The following PPA2 variants were observed in gnomAD, a reference collection of about 807,000 sequenced individuals.
The protein encoded by PPA2 is inorganic pyrophosphatase 2.
Under a neutral mutation model 49.5 loss-of-function variants are expected in PPA2, and 48 were observed. The observed-to-expected ratio is 0.97, with a 90% confidence interval of 0.77 to 1.23. The LOEUF (loss-of-function observed/expected upper bound fraction) is 1.23. PPA2 is among the 50% of genes most tolerant of loss of function. PPA2 has a pLI of 0.00. For synonymous variants in PPA2, 131 were observed against 139.9 expected (o/e 0.94, Z 0.45); for missense variants, 429 against 410.1 (o/e 1.05, Z -0.40).
In PPA2 at chr4:105,473,947, T is replaced by G; in HGVS notation, c.104A>C (p.Tyr35Ser). Reference protein sequence around the residue: ...GTGSRRAMALYHTEERGQPCS... With the variant: ...GTGSRRAMALSHTEERGQPCS... Reference sequence around the variant, plus strand: ...GGGCTGGCCGCGCTCCTCAGTGTGGTACAGGGCCATAGCACGGCGCGACCC... The same window carrying G: ...GGGCTGGCCGCGCTCCTCAGTGTGGGACAGGGCCATAGCACGGCGCGACCC... Residue 35 changes from tyrosine to serine, a missense_variant, in exon 1 of 12, where the codon TAC becomes TCC. Coordinates refer to ENST00000341695, the MANE Select transcript of PPA2 (RefSeq NM_176869.3). The G allele has an allele frequency of 1.2e-6, 2 of 1,612,480 alleles. No individual in the cohort carries two copies. The highest frequency in any genetic ancestry group is 1.7e-6 in the Non-Finnish European group (2 of 1,179,552).
intron 9 of PPA2, among the ~76,000 whole-genome samples, chr4:105,395,920 C>A (rs1036044492): frequency 1.3e-5 from 2 of 152,078 alleles, no homozygotes; most frequent in Non-Finnish European, 1.5e-5. Context: ...CTTTTACTTT[C>A]TAAGAAATTA....
intron 2 of PPA2, among the ~76,000 whole-genome samples, chr4:105,454,886 T>C (rs1722817828): frequency 6.6e-6 from 1 of 152,178 alleles, no homozygotes; most frequent in South Asian, 2.1e-4. Context: ...TCTAGCTTAC[T>C]CTTTTCCACC....
intron 1 of PPA2, among the ~76,000 whole-genome samples, chr4:105,471,327 T>A (rs1258436277): frequency 6.6e-6 from 1 of 152,196 alleles, no homozygotes; most frequent in African/African-American, 2.4e-5. Context: ...CCCCTAATCA[T>A]CCTGTCTCAC....
intron 5 of PPA2, among the ~76,000 whole-genome samples, chr4:105,444,588 C>T (rs115929124): frequency 0.015 from 2,262 of 152,312 alleles, 24 homozygotes; most frequent in Non-Finnish European, 0.021. Context: ...CAGACACATC[C>T]AGAGGAGCAC....
At chr4:105,415,621 G>A (rs555478965) in intron 7 of PPA2, among the ~76,000 whole-genome samples, 1 of 152,252 alleles carries the variant, frequency 6.6e-6, no homozygotes, top group South Asian at 2.1e-4. Flanking sequence ...GGCTGCAGCT[G>A]TGTCCAGGAA....
chr4:105,396,130 G>A (rs1734131492), intron 9 of PPA2, 119 bp downstream of exon 9: 2 of 538,210 alleles, frequency 3.7e-6, no homozygotes, highest in Non-Finnish European at 6.4e-6. Flanking sequence ...CCAATGAATA[G>A]GTAGATAATC....
chr4:105,422,259 AATG>A (rs1723285647), intron 7 of PPA2, among the ~76,000 whole-genome samples: 1 of 152,220 alleles, frequency 6.6e-6, no homozygotes, highest in Non-Finnish European at 1.5e-5. Flanking sequence ...CTTTTAATAC[AATG>A]ATAAATGTAT....
At chr4:105,443,143 G>A (rs924349150) in intron 5 of PPA2, among the ~76,000 whole-genome samples, 4 of 152,130 alleles carry the variant, frequency 2.6e-5, no homozygotes, top group African/African-American at 4.8e-5. Context: ...AATAAAGTAT[G>A]AGAGGGGGAA....
At chr4:105,472,295 C>A (rs1430453048) in intron 1 of PPA2, among the ~76,000 whole-genome samples, 3 of 152,346 alleles carry the variant, frequency 2.0e-5, no homozygotes, top group African/African-American at 7.2e-5. Flanking sequence ...GGTACTGGGT[C>A]AACTACTCTG....
chr4:105,372,783 A>C (rs1451094933), intron 10 of PPA2, among the ~76,000 whole-genome samples: 4 of 152,196 alleles, frequency 2.6e-5, no homozygotes, highest in Non-Finnish European at 5.9e-5. Flanking sequence ...TAATCATGTA[A>C]GCCAATTCCT....
At position 105,386,781 on chromosome 4, in the gene PPA2, A is replaced by C; in HGVS notation, c.870-145T>G. The C allele has an allele frequency of 4.6e-6, 3 of 650,334 alleles. No individual in the cohort carries two copies. The South Asian group carries it at 6.1e-5, about 13-fold the overall frequency. 40.3% of individuals were successfully genotyped at this position (650,334 alleles called of 1,614,324 possible). A position where few individuals can be genotyped will look rare whatever the true frequency, so the allele number is the denominator to read the frequency against. ...AAACTGAATGAATAAAAATTAAGAC[A>C]ATGAAAATTATTGTATATTCTTTCA... On this transcript the variant is annotated intron_variant, in intron 9 of 11. Transcript: ENST00000341695.
chr4:105,379,172 T>A (rs1377941786), intron 10 of PPA2, among the ~76,000 whole-genome samples: 1 of 152,106 alleles, frequency 6.6e-6, no homozygotes, highest in African/African-American at 2.4e-5. Flanking sequence ...TTCTCTGATG[T>A]CTGTTGGCAA....
chr4:105,403,333 C>T (rs912694103), intron 7 of PPA2, among the ~76,000 whole-genome samples: 2 of 152,208 alleles, frequency 1.3e-5, no homozygotes, highest in African/African-American at 4.8e-5. Flanking sequence ...GTGTGAGCCA[C>T]CATGCCCAGC....
intron 1 of PPA2, among the ~76,000 whole-genome samples, chr4:105,467,164 CCTG>C (rs1299822442): frequency 1.3e-5 from 2 of 152,144 alleles, no homozygotes; most frequent in Non-Finnish European, 2.9e-5. Context: ...CCTCTTCTGC[CCTG>C]CTCATGCCTG....
chr4:105,466,917 A>ACATAC (rs1578891831), intron 1 of PPA2, among the ~76,000 whole-genome samples: 1 of 152,176 alleles, frequency 6.6e-6, no homozygotes, highest in Non-Finnish European at 1.5e-5. Context: ...CTAGGAGGTC[A>ACATAC]CATACCAAAC....
At chr4:105,435,010 C>G (rs1723984220) in intron 6 of PPA2, among the ~76,000 whole-genome samples, 1 of 152,192 alleles carries the variant, frequency 6.6e-6, no homozygotes, top group Non-Finnish European at 1.5e-5. Flanking sequence ...TTCTTAGACA[C>G]CAAATGAACA....
Position 105,393,697 on chromosome 4 carries a change from T to A in PPA2, c.869+2552A>T, listed in dbSNP as rs182209818. Among the ~76,000 whole-genome samples the A allele has an allele frequency of 1.0e-3, 154 of 151,954 alleles. 1 individual carries two copies. Among genetic ancestry groups the A allele is most frequent in the African/African-American group, 3.4e-3 (143 of 41,496 alleles). ...AATTTCCCTAGTTAATTCTGTGTAT[T>A]ACATATACATTGAGAGAATGTCTAT... On this transcript the variant is annotated intron_variant, in intron 9 of 11. Coordinates refer to ENST00000341695, the MANE Select transcript of PPA2 (RefSeq NM_176869.3).
chr4:105,444,913 A>C (rs1025330252), intron 5 of PPA2, among the ~76,000 whole-genome samples: 1 of 152,172 alleles, frequency 6.6e-6, no homozygotes, highest in Admixed American at 6.5e-5. Flanking sequence ...TAATCTCAAC[A>C]CAAAGATAAG....
At chr4:105,375,864 C>T (rs1398042463) in intron 10 of PPA2, among the ~76,000 whole-genome samples, 1 of 152,158 alleles carries the variant, frequency 6.6e-6, no homozygotes, top group African/African-American at 2.4e-5. Flanking sequence ...CTTCACCATT[C>T]TTCTGCTGGT....
Sources: gnomAD v4.1 joint callset for allele counts (sites outside exome capture counted in the v4.1 genomes callset) on GRCh38, gnomAD v4.1.1 for gene constraint, MANE v1.5 for transcripts, NCBI Gene and HGNC (gene_info 2026-07-23, HGNC 2026-07-21) for gene names.